The following ENDOV variants were observed in gnomAD, a reference collection of about 807,000 sequenced individuals.
ENDOV encodes endonuclease V, also known as hEndoV.
A neutral mutation model predicts 39.4 loss-of-function variants in ENDOV; 37 were observed. The observed-to-expected ratio is 0.94, with a 90% CI of 0.72 to 1.23. The LOEUF (loss-of-function observed/expected upper bound fraction) is 1.23, where lower values mean the gene tolerates loss of function less well. ENDOV is among the 50% of genes most tolerant of loss of function. ENDOV has a pLI of 0.00. For missense variants in ENDOV, 441 were observed against 375.7 expected, an observed-to-expected ratio of 1.17 and a Z score of -1.44; for synonymous variants, 186 against 163.4, an observed-to-expected ratio of 1.14 and a Z score of -1.05.
intron 8 of ENDOV, 77 bp from the exon 9 acceptor site, chr17:80,429,696 G>T: frequency 7.1e-7 from 1 of 1,403,840 alleles, no homozygotes; most frequent in South Asian, 1.3e-5. Context: ...GCAGTTCCCA[G>T]ACCCCATCTG....
At chr17:80,429,551 C>T (rs2083148775) in intron 8 of ENDOV, among the ~76,000 whole-genome samples, 1 of 152,218 alleles carries the variant, frequency 6.6e-6, no homozygotes, top group South Asian at 2.1e-4. Context: ...ACTGAGGGAG[C>T]AGGTGGCGGG....
intron 9 of ENDOV, chr17:80,433,281 G>A: frequency 1.9e-6 from 1 of 514,218 alleles, no homozygotes; most frequent in South Asian, 1.4e-5. Flanking sequence ...TCCACCAGGT[G>A]AAGTGTGTAA....
intron 1 of ENDOV, 160 bp from the exon 2 acceptor site, chr17:80,415,490 C>T (rs921058986): frequency 9.0e-7 from 1 of 1,106,688 alleles, no homozygotes; most frequent in Non-Finnish European, 1.3e-6. Context: ...TCTCCGCCGC[C>T]TGGGCTCCTA....
chr17:80,430,049 C>T, intron 9 of ENDOV: 1 of 1,535,784 alleles, frequency 6.5e-7, no homozygotes, highest in Non-Finnish European at 8.7e-7. Context: ...AGGTGGAGCA[C>T]CCAGTCCCCA....
chr17:80,426,763 A>T (rs921792058), intron 7 of ENDOV, among the ~76,000 whole-genome samples: 1 of 152,264 alleles, frequency 6.6e-6, no homozygotes, highest in Non-Finnish European at 1.5e-5. Context: ...CCAGGGTTTC[A>T]GACGTCACCC....
At chr17:80,433,055 T>C (rs112512693) in intron 9 of ENDOV, 2 of 516,830 alleles carry the variant, frequency 3.9e-6, no homozygotes. Context: ...CTCTCCACAC[T>C]CACTGGCATT....
rs1468652402 is a variant in ENDOV at position 80,425,627 on chromosome 17, G to T, written c.714+7G>T. 4.4e-6 allele frequency: 7 copies of T among 1,577,176 alleles called. No individual in the cohort carries two copies. Among genetic ancestry groups the T allele is most frequent in the Non-Finnish European group, 6.0e-6 (7 of 1,168,608 alleles). On this transcript the variant is annotated splice_region_variant and intron_variant, in intron 7 of 9. Transcript: ENST00000518137. Reference sequence around the variant, plus strand: ...CCCAGAGCCCGTGCGCCAGGTGGGTGTGCTGGGGATGCGGGGAGGCAGCAC... The same window carrying T: ...CCCAGAGCCCGTGCGCCAGGTGGGTTTGCTGGGGATGCGGGGAGGCAGCAC...
intron 7 of ENDOV, among the ~76,000 whole-genome samples, chr17:80,426,390 TG>T: frequency 6.6e-6 from 1 of 152,216 alleles, no homozygotes; most frequent in East Asian, 1.9e-4. Context: ...GGCTCACGCC[TG>T]TAACCCCAAC....
chr17:80,419,769 G>A (rs904013838), intron 2 of ENDOV: 9 of 676,712 alleles, frequency 1.3e-5, no homozygotes, highest in Non-Finnish European at 2.2e-5. Flanking sequence ...CCATCTTTCC[G>A]TCTGCACTCA....
Position 80,436,318 on chromosome 17 carries a change from G to T in ENDOV, c.*175G>T. 2 of 1,574,810 alleles carry T rather than the reference G, an allele frequency of 1.3e-6. No individual in the cohort carries two copies. Among genetic ancestry groups the T allele is most frequent in the Non-Finnish European group, 1.7e-6 (2 of 1,165,838 alleles). ...GTCCTCGTCTCGTTCCTGATCGAAC[G>T]TGGTGGTGAGAGCACACGTCCTTGT... On this transcript the variant is annotated 3_prime_UTR_variant, in exon 10 of 10. Transcript: ENST00000518137.
chr17:80,421,746 G>C (rs948935694), intron 2 of ENDOV, 82 bp from the exon 3 acceptor site: 4 of 1,511,926 alleles, frequency 2.6e-6, no homozygotes, highest in Admixed American at 2.0e-5. Flanking sequence ...GGAAGGATGA[G>C]GGGGGCAGGG....
At chr17:80,428,336 TCAC>T in intron 7 of ENDOV, 1 of 513,840 alleles carries the variant, frequency 1.9e-6, no homozygotes, top group South Asian at 2.3e-5. Context: ...GCCTGTCCAC[TCAC>T]CAGCTACTCA....
At position 80,434,466 on chromosome 17, in the gene ENDOV, T is replaced by G. The variant is rs142559692; in HGVS notation, c.839-1667T>G. On this transcript the variant is annotated intron_variant, in intron 9 of 9. Coordinates refer to ENST00000518137, the MANE Select transcript of ENDOV (RefSeq NM_173627.5). ...TGCCTTGGGTATATATACCTAGGAG[T>G]AGAATTTCTGGGTCATGTGGTGACC... Among the ~76,000 whole-genome samples the G allele has an allele frequency of 1.8e-3, 278 of 152,158 alleles. 4 individuals are homozygous for G. The highest frequency in any genetic ancestry group is 5.9e-3 in the African/African-American group (246 of 41,504).
At chr17:80,431,117 G>A (rs904637179) in intron 9 of ENDOV, among the ~76,000 whole-genome samples, 4 of 152,220 alleles carry the variant, frequency 2.6e-5, no homozygotes, top group African/African-American at 7.2e-5. Context: ...AGAAGGGGCC[G>A]GTGATCATGA....
chr17:80,415,554 C>G, intron 1 of ENDOV, 96 bp from the exon 2 acceptor site: 12 of 1,432,418 alleles, frequency 8.4e-6, no homozygotes, highest in Non-Finnish European at 1.0e-5. Flanking sequence ...CGGGAGAAGA[C>G]CCGGCAGAGG....
At chr17:80,432,741 A>G (rs951866658) in intron 9 of ENDOV, among the ~76,000 whole-genome samples, 32 of 152,048 alleles carry the variant, frequency 2.1e-4, no homozygotes, top group African/African-American at 7.7e-4. Flanking sequence ...CCTTGCCTCA[A>G]GCAGAGTCGT....
Position 80,436,475 on chromosome 17 carries a change from A to C in ENDOV, c.*332A>C. 1.2e-6 allele frequency: 1 copy of C among 829,496 alleles called. No homozygotes were observed. The highest frequency in any genetic ancestry group is 1.7e-6 in the Non-Finnish European group (1 of 604,062). 51.4% of individuals were successfully genotyped at this position (829,496 alleles called of 1,614,324 possible). A position where few individuals can be genotyped will look rare whatever the true frequency, so the allele number is the denominator to read the frequency against. ...TAGTCCTAATTTGTTAAGTGTTTTT[A>C]TCCTTAAAGGGTACTGGATTTTGTC... On this transcript the variant is annotated 3_prime_UTR_variant, in exon 10 of 10. Transcript: ENST00000518137.
At chr17:80,420,762 C>G (rs957530480) in intron 2 of ENDOV, among the ~76,000 whole-genome samples, 1 of 152,266 alleles carries the variant, frequency 6.6e-6, no homozygotes, top group African/African-American at 2.4e-5. Context: ...ACTGCAGCCT[C>G]TGCCTCCTGG....
intron 9 of ENDOV, chr17:80,433,058 C>T: frequency 9.7e-6 from 5 of 517,652 alleles, no homozygotes; most frequent in South Asian, 7.0e-5. Flanking sequence ...TCCACACTCA[C>T]TGGCATTCCC....
Sources: gnomAD v4.1 joint callset for allele counts (sites outside exome capture counted in the v4.1 genomes callset) on GRCh38, gnomAD v4.1.1 for gene constraint, MANE v1.5 for transcripts, NCBI Gene and HGNC (gene_info 2026-07-23, HGNC 2026-07-21) for gene names.